SASH1: variants seen among roughly 807,000 people sequenced by gnomAD.
SASH1 encodes the protein SAM and SH3 domain containing 1.
SASH1 carries 44 observed loss-of-function variants against 125.2 expected under a neutral mutation model. The observed-to-expected ratio is 0.35, with a 90% CI of 0.28 to 0.45. SASH1 has a LOEUF of 0.45. Ranked by LOEUF, SASH1 falls within the 20% of genes least tolerant of loss-of-function variation. SASH1 has a pLI of 1.00. For synonymous variants in SASH1, 639 were observed against 649.1 expected (o/e 0.98, Z 0.24); for missense variants, 1,426 against 1,614.5 (o/e 0.88, Z 2.00).
At chr6:148,350,235 G>C (rs975505585) in intron 1 of SASH1, among the ~76,000 whole-genome samples, 1 of 152,126 alleles carries the variant, frequency 6.6e-6, no homozygotes, top group African/African-American at 2.4e-5. Flanking sequence ...CTGGAGGATC[G>C]CTTGAGGCCA....
chr6:148,498,678 G>A (rs1452898239), intron 8 of SASH1, among the ~76,000 whole-genome samples: 3 of 152,142 alleles, frequency 2.0e-5, no homozygotes, highest in Non-Finnish European at 4.4e-5. Flanking sequence ...TCCCCTGCTA[G>A]CTGATTATAT....
the SASH1 span, among the ~76,000 whole-genome samples, chr6:148,259,315 A>G: frequency 6.6e-6 from 1 of 152,202 alleles, no homozygotes; most frequent in East Asian, 1.9e-4. Flanking sequence ...AGGGTTGCCA[A>G]TGCCCATGGT....
chr6:148,201,869 C>A, the SASH1 span, among the ~76,000 whole-genome samples: 1 of 152,122 alleles, frequency 6.6e-6, no homozygotes, highest in Non-Finnish European at 1.5e-5. Context: ...TGGTGGGTTG[C>A]TGAGCAGGGA....
At chr6:148,202,635 G>A in the SASH1 span, among the ~76,000 whole-genome samples, 1 of 152,216 alleles carries the variant, frequency 6.6e-6, no homozygotes, top group African/African-American at 2.4e-5. Context: ...GTGAAGAAAA[G>A]CTTATTATAG....
rs571524259 is a variant in SASH1 at position 148,337,251 on chromosome 6, T to C, written n.75-52883T>C. Among the ~76,000 whole-genome samples the C allele has an allele frequency of 6.1e-5, 8 of 131,528 alleles. No homozygotes were observed. In the East Asian group the frequency reaches 1.5e-3, roughly 25 times the overall value. 86.3% of individuals were successfully genotyped at this position (131,528 alleles called of 152,430 possible). On this transcript the variant is annotated intron_variant and non_coding_transcript_variant, in intron 1 of 3. Transcript: ENST00000367469. Reference sequence around the variant, plus strand: ...TTTTTTTTTTTTTTTTGAGATGGAGTCTCGTTCTGTCACCCAGGCTGCAGT... The same window carrying C: ...TTTTTTTTTTTTTTTTGAGATGGAGCCTCGTTCTGTCACCCAGGCTGCAGT...
intron 10 of SASH1, among the ~76,000 whole-genome samples, chr6:148,521,996 A>C (rs1780843811): frequency 6.6e-6 from 1 of 152,190 alleles, no homozygotes; most frequent in African/African-American, 2.4e-5. Context: ...TGTCTCTAGA[A>C]GTTATATTTC....
intron 4 of SASH1, among the ~76,000 whole-genome samples, chr6:148,442,683 A>G (rs1342570739): frequency 1.3e-5 from 2 of 152,210 alleles, no homozygotes; most frequent in African/African-American, 4.8e-5. Context: ...ACAGAATAAT[A>G]TAGTATAATG....
intron 2 of SASH1, among the ~76,000 whole-genome samples, chr6:148,423,085 C>T (rs921483765): frequency 2.6e-5 from 4 of 152,070 alleles, no homozygotes; most frequent in Non-Finnish European, 5.9e-5. Context: ...ACTACAGGCG[C>T]ACGCCACCAC....
rs1162225428 is a variant in SASH1, at chr6:148,334,427, CAA to C, written n.75-55687_75-55686del. 7.4e-4 allele frequency among the ~76,000 whole-genome samples: 47 copies of C among 63,694 alleles called. 1 individual carries two copies. Among genetic ancestry groups the C allele is most frequent in the Middle Eastern group, 0.014 (1 of 70 alleles). The allele number at this position is 63,694 out of a possible 152,430, so 41.8% of individuals were successfully genotyped here. A position where few individuals can be genotyped will look rare whatever the true frequency, so the allele number is the denominator to read the frequency against. On this transcript the variant is annotated intron_variant and non_coding_transcript_variant, in intron 1 of 3. Transcript: ENST00000367469. ...TGGGCCACAGAGCGAGACTCCGTCT[CAA>C]AAAAAAAAAAAAAAAAAAAGAGATA...
chr6:148,458,891 C>T (rs1777477985), intron 4 of SASH1, among the ~76,000 whole-genome samples: 1 of 151,202 alleles, frequency 6.6e-6, no homozygotes, highest in Non-Finnish European at 1.5e-5. Context: ...TGCTCGACTC[C>T]AAGAGGTAGA....
chr6:148,283,000 G>A (rs1445915820), intron 1 of SASH1, among the ~76,000 whole-genome samples: 3 of 152,130 alleles, frequency 2.0e-5, no homozygotes, highest in Non-Finnish European at 4.4e-5. Flanking sequence ...ATACATCCAT[G>A]TATCCCAAGG....
chr6:148,345,045 C>T lies in SASH1; in HGVS notation c.156+1822C>T, dbSNP rs184129802. 1.0e-3 allele frequency among the ~76,000 whole-genome samples: 159 copies of T among 152,308 alleles called. 2 individuals carry two copies. The highest frequency in any genetic ancestry group is 9.5e-3 in the Admixed American group (145 of 15,298). ...CTGGGATTACAGGCGTGAGCCACCG[C>T]GCCCGATAGACTGTTTTTAAGTTAT... On this transcript the variant is annotated intron_variant, in intron 1 of 19. Coordinates refer to ENST00000367467, the MANE Select transcript of SASH1 (RefSeq NM_015278.5).
rs776512938 is a variant in SASH1, at chr6:148,531,584, A to T, written c.1487A>T (p.His496Leu). 6.3e-7 allele frequency: 1 copy of T among 1,577,786 alleles called. No individual in the cohort carries two copies. Among genetic ancestry groups the T allele is most frequent in the Admixed American group, 1.8e-5 (1 of 55,750 alleles). The change falls in exon 13 of 20, where the codon CAC (histidine) becomes CTC (leucine). Residue 496 changes from histidine to leucine, a missense_variant. Physicochemically the swap from His to Leu is moderately conservative, Grantham distance 99 (BLOSUM62 -3). Coordinates refer to ENST00000367467, the MANE Select transcript of SASH1 (RefSeq NM_015278.5). ...CCGCCTTCACAGCCCGACCCCGAAC[A>T]CTTGGACAAGCCCAAGCTCAAGGCC... The part of the protein sequence containing the change: ...SPPPSQPDPE[H>L]LDKPKLKAGG...
At chr6:148,324,282 C>A (rs1780739545) in intron 1 of SASH1, among the ~76,000 whole-genome samples, 1 of 152,088 alleles carries the variant, frequency 6.6e-6, no homozygotes, top group Non-Finnish European at 1.5e-5. Context: ...GCCCAAACTG[C>A]TCTCCTGAGT....
Position 148,529,228 on chromosome 6 carries a change from A to G in SASH1, c.1428+1632A>G, listed in dbSNP as rs1267708050. 6.6e-6 allele frequency among the ~76,000 whole-genome samples: 1 copy of G among 152,098 alleles called. No homozygotes were observed. Among genetic ancestry groups the G allele is most frequent in the African/African-American group, 2.4e-5 (1 of 41,418 alleles). ...GTGGCCCGGGAGTTGGAGAATGCTG[A>G]TCTAGAGGATAGAGGCCAGGGACGC... On this transcript the variant is annotated intron_variant, in intron 12 of 19. Transcript: ENST00000367467. The surrounding 1 kb of genome is among the most constrained non-coding windows in gnomAD (Gnocchi z 4.2).
chr6:148,454,236 G>A (rs1777234145), intron 4 of SASH1, among the ~76,000 whole-genome samples: 1 of 152,312 alleles, frequency 6.6e-6, no homozygotes, highest in African/African-American at 2.4e-5. Context: ...CAGCAGGAAT[G>A]TGAGCGCTGT....
chr6:148,413,170 G>C (rs2114915716), intron 2 of SASH1, among the ~76,000 whole-genome samples: 1 of 152,304 alleles, frequency 6.6e-6, no homozygotes, highest in South Asian at 2.1e-4. Context: ...CATCCATAAT[G>C]TGGAAGCTTT....
intron 2 of SASH1, among the ~76,000 whole-genome samples, chr6:148,424,267 T>C (rs1261667323): frequency 6.6e-6 from 1 of 150,554 alleles, no homozygotes; most frequent in Non-Finnish European, 1.5e-5. Flanking sequence ...TGGGACAGGG[T>C]CTCGCTCTGT....
At chr6:148,306,000 G>T (rs573721793) in intron 1 of SASH1, among the ~76,000 whole-genome samples, 2 of 152,136 alleles carry the variant, frequency 1.3e-5, no homozygotes, top group Non-Finnish European at 2.9e-5. Flanking sequence ...TTATATGCTT[G>T]TATCAAAATA....
Sources: allele counts gnomAD v4.1 joint callset (sites outside exome capture counted in the v4.1 genomes callset), GRCh38; gene constraint gnomAD v4.1.1; non-coding constraint Gnocchi (gnomAD v3.1); transcripts MANE v1.5; gene names NCBI Gene and HGNC (gene_info 2026-07-23, HGNC 2026-07-21).